The following PKP2 variants were observed in gnomAD, a reference collection of about 807,000 sequenced individuals.
The protein encoded by PKP2 is plakophilin-2.
A neutral mutation model predicts 83.4 loss-of-function variants in PKP2; 73 were observed. The observed-to-expected ratio is 0.88, with a 90% CI of 0.72 to 1.06. The LOEUF (loss-of-function observed/expected upper bound fraction) is 1.06. Among genes scored for constraint, PKP2 ranks in the 50% least tolerant of loss-of-function variants. The probability of loss-of-function intolerance (pLI) is 0.00; values close to 1 mark genes in which losing one functional copy is unlikely to be tolerated. For missense variants in PKP2, 966 were observed against 1,065.4 expected, an observed-to-expected ratio of 0.91 and a Z score of 1.30; for synonymous variants, 409 against 430.4, an observed-to-expected ratio of 0.95 and a Z score of 0.62.
chr12:32,798,557 G>T (rs1353467218), intron 10 of PKP2, among the ~76,000 whole-genome samples: 16 of 148,208 alleles, frequency 1.1e-4, no homozygotes, highest in Admixed American at 1.1e-3. Flanking sequence ...AAATAAAAAA[G>T]ATACATAGAC....
chr12:32,809,237 C>T (rs902654329), intron 9 of PKP2, among the ~76,000 whole-genome samples: 1 of 152,166 alleles, frequency 6.6e-6, no homozygotes, highest in Non-Finnish European at 1.5e-5. Flanking sequence ...GAAGGCCCCC[C>T]ACAGGGAGGC....
At chr12:32,821,161 A>C in intron 9 of PKP2, 195 bp downstream of exon 9, 1 of 598,396 alleles carries the variant, frequency 1.7e-6, no homozygotes, top group East Asian at 3.0e-5. Context: ...AAGAGTACTG[A>C]CTTGACTTGT....
At chr12:32,836,520 T>A (rs566642804) in intron 6 of PKP2, among the ~76,000 whole-genome samples, 1 of 152,332 alleles carries the variant, frequency 6.6e-6, no homozygotes, top group South Asian at 2.1e-4. Flanking sequence ...AGACCAGAAA[T>A]GATCTCAATG....
intron 4 of PKP2, among the ~76,000 whole-genome samples, chr12:32,858,099 A>AAAT (rs1317879021): frequency 1.0e-5 from 1 of 97,298 alleles, no homozygotes; most frequent in African/African-American, 4.2e-5. Context: ...ATATATATAT[A>AAAT]TATATATATA....
In PKP2 at chr12:32,879,035, G is replaced by C. The variant is rs786204387; in HGVS notation, c.224-3C>G. ...ACTGCTGGTTCGGTGAAGATTTCCT[G>C]CAATCAAGCAAATATTAAAATAACT... is the stretch of plus-strand genomic sequence containing the variant. On this transcript the variant is annotated splice_polypyrimidine_tract_variant and splice_region_variant and intron_variant, in intron 1 of 12. Transcript: ENST00000340811. 2.1e-6 allele frequency: 3 copies of C among 1,425,518 alleles called. No homozygotes were observed. Among genetic ancestry groups the C allele is most frequent in the Non-Finnish European group, 3.0e-6 (3 of 1,010,046 alleles). The allele number at this position is 1,425,518 out of a possible 1,614,324, so 88.3% of individuals were successfully genotyped here. A position where few individuals can be genotyped will look rare whatever the true frequency, so the allele number is the denominator to read the frequency against.
At chr12:32,796,807 G>A (rs775518076) in intron 10 of PKP2, among the ~76,000 whole-genome samples, 1 of 152,146 alleles carries the variant, frequency 6.6e-6, no homozygotes, top group Non-Finnish European at 1.5e-5. Context: ...TCTGTGCTCA[G>A]TATATTGAAA....
At chr12:32,831,688 TAAAG>T (rs1956502875) in intron 6 of PKP2, among the ~76,000 whole-genome samples, 1 of 152,208 alleles carries the variant, frequency 6.6e-6, no homozygotes, top group Non-Finnish European at 1.5e-5. Context: ...TTGATAAGAA[TAAAG>T]AGTCTCTTTA....
chr12:32,860,526 ATGC>A (rs1188785277), intron 4 of PKP2, among the ~76,000 whole-genome samples: 1 of 152,194 alleles, frequency 6.6e-6, no homozygotes, highest in African/African-American at 2.4e-5. Flanking sequence ...TCTAGAATAA[ATGC>A]TGCTCTGGTT....
chr12:32,892,930 C>T (rs1482128206), intron 1 of PKP2, among the ~76,000 whole-genome samples: 2 of 147,822 alleles, frequency 1.4e-5, no homozygotes, highest in East Asian at 4.0e-4. Flanking sequence ...TCTTAAATGT[C>T]TTCTATTTTA....
rs9919823 is a variant in PKP2 at position 32,821,677 on chromosome 12, T to C, written c.1840-148A>G. The C allele has an allele frequency of 0.052, 36,782 of 704,924 alleles. 3,022 individuals carry two copies. Among genetic ancestry groups the C allele is most frequent in the African/African-American group, 0.3 (16,729 of 55,882 alleles). 43.7% of individuals were successfully genotyped at this position (704,924 alleles called of 1,614,324 possible). On this transcript the variant is annotated intron_variant, in intron 8 of 12. Coordinates refer to ENST00000340811, the MANE Select transcript of PKP2 (RefSeq NM_001005242.3). The stretch of plus-strand genomic sequence containing the variant: ...GAAATAGAAATTTTAAAAGCAAATA[T>C]ATATAATTTCTAATCACTTAACTTT...
chr12:32,833,186 T>G (rs1956515677), intron 6 of PKP2, among the ~76,000 whole-genome samples: 1 of 152,180 alleles, frequency 6.6e-6, no homozygotes. Context: ...GAGGTTGCAG[T>G]GACCTGAGAT....
At chr12:32,838,033 G>A (rs984081159) in intron 6 of PKP2, among the ~76,000 whole-genome samples, 6 of 152,270 alleles carry the variant, frequency 3.9e-5, no homozygotes, top group South Asian at 2.1e-4. Flanking sequence ...ACATGCGCTC[G>A]CATGTTCATC....
At chr12:32,846,764 G>A (rs200082269) in intron 5 of PKP2, among the ~76,000 whole-genome samples, 2,910 of 104,616 alleles carry the variant, frequency 0.028, 1 homozygote, top group African/African-American at 0.054. Flanking sequence ...AAAAAAAAAA[G>A]AAGAGAGAGG....
intron 4 of PKP2, among the ~76,000 whole-genome samples, chr12:32,852,572 T>C (rs1237455223): frequency 6.6e-6 from 1 of 152,224 alleles, no homozygotes; most frequent in Non-Finnish European, 1.5e-5. Context: ...AGTATAATGT[T>C]AGGAGTTTTA....
Position 32,877,984 on chromosome 12 carries a change from C to A in PKP2, c.896G>T (p.Arg299Leu), listed in dbSNP as rs755425370. 2.5e-6 allele frequency: 4 copies of A among 1,613,898 alleles called. No homozygotes were observed. In the African/African-American group the frequency reaches 4.0e-5, roughly 16 times the overall value. The part of the protein sequence containing the change: ...SWHQSSFHST[R>L]TLREAGPSVA... ...ACTGGGCCCAGCTTCCCTCAGCGTGCGGGTGCTGTGGAAGGAGCTCTGATG... is the reference window on the plus strand; with the variant it reads ...ACTGGGCCCAGCTTCCCTCAGCGTGAGGGTGCTGTGGAAGGAGCTCTGATG... Residue 299 changes from arginine (R) to leucine (L), a missense_variant, in exon 3 of 13, where the codon CGC becomes CTC. Arg to Leu is a moderately radical substitution (Grantham distance 102). Transcript: ENST00000340811.
At chr12:32,807,619 C>T (rs181942036) in intron 9 of PKP2, among the ~76,000 whole-genome samples, 3 of 152,148 alleles carry the variant, frequency 2.0e-5, no homozygotes, top group Admixed American at 2.0e-4. Flanking sequence ...TTGCTTCATA[C>T]TGTCACTGGT....
chr12:32,886,330 A>G (rs959690823), intron 1 of PKP2, among the ~76,000 whole-genome samples: 5 of 152,236 alleles, frequency 3.3e-5, no homozygotes, highest in Non-Finnish European at 5.9e-5. Context: ...ATGTTATTCC[A>G]GGTAAGACAT....
In PKP2 at chr12:32,841,108, A is replaced by G. The variant is rs751082209; in HGVS notation, c.1476T>C (p.Ser492=). 19 of 1,613,658 alleles carry G rather than the reference A, an allele frequency of 1.2e-5. No homozygotes were observed. Among genetic ancestry groups the G allele is most frequent in the Non-Finnish European group, 1.5e-5 (18 of 1,179,640 alleles). The change falls in exon 6 of 13, where the codon TCT becomes TCC. Residue 492 remains serine, a synonymous_variant. Transcript: ENST00000340811. ...TTGGGTAGTCTCCTTCAGGCCACCC[A>G]GAAAAGGGGATGATGATATTCTCCG... ...TLTENIIIPF[S]GWPEGDYPKA...
chr12:32,858,469 T>G (rs1956773974), intron 4 of PKP2, among the ~76,000 whole-genome samples: 1 of 152,104 alleles, frequency 6.6e-6, no homozygotes, highest in Non-Finnish European at 1.5e-5. Context: ...TATTCATTCT[T>G]CCTACGGAAC....
Sources: allele counts gnomAD v4.1 joint callset (sites outside exome capture counted in the v4.1 genomes callset), GRCh38; gene constraint gnomAD v4.1.1; transcripts MANE v1.5; gene names NCBI Gene and HGNC (gene_info 2026-07-23, HGNC 2026-07-21).